Variants in LRP6 observed in about 807,000 individuals in gnomAD.
LRP6 encodes low-density lipoprotein receptor-related protein 6.
In LRP6, 43 loss-of-function variants were observed where a neutral mutation model predicts 184.1. The ratio of observed to expected loss-of-function variants is 0.23; its 90% CI spans 0.18 to 0.30. The LOEUF (loss-of-function observed/expected upper bound fraction) is 0.30, where lower values mean the gene tolerates loss of function less well. LRP6 is among the 10% of genes least tolerant of loss of function. The probability of loss-of-function intolerance (pLI) is 1.00; values close to 1 mark genes in which losing one functional copy is unlikely to be tolerated. For synonymous variants in LRP6, 719 were observed against 684.9 expected, an observed-to-expected ratio of 1.05 and a Z score of -0.78; for missense variants, 1,571 against 2,005.3, an observed-to-expected ratio of 0.78 and a Z score of 4.14.
At chr12:12,228,875 G>A (rs565698527) in intron 2 of LRP6, among the ~76,000 whole-genome samples, 15 of 152,246 alleles carry the variant, frequency 9.9e-5, no homozygotes, top group African/African-American at 3.6e-4. Flanking sequence ...GCAGAAAATG[G>A]CAATAGGCCC....
intron 3 of LRP6, among the ~76,000 whole-genome samples, chr12:12,200,393 G>A (rs558487941): frequency 6.6e-6 from 1 of 152,274 alleles, no homozygotes; most frequent in African/African-American, 2.4e-5. Flanking sequence ...CTCTGTTCAT[G>A]AATGTGTCCT....
At chr12:12,257,779 C>CAAAAAA (rs1163180718) in intron 1 of LRP6, among the ~76,000 whole-genome samples, 4,217 of 35,332 alleles carry the variant, frequency 0.12, 674 homozygotes, top group South Asian at 0.15. Flanking sequence ...CCTGTCTCTA[C>CAAAAAA]AAAAAAAAAA....
intron 3 of LRP6, among the ~76,000 whole-genome samples, chr12:12,201,463 C>T (rs971935124): frequency 6.6e-6 from 1 of 152,146 alleles, no homozygotes; most frequent in African/African-American, 2.4e-5. Context: ...CCATCTTGTC[C>T]AGCAAATAGC....
chr12:12,159,294 T>A (rs562314449), intron 11 of LRP6, 139 bp from the exon 12 acceptor site: 1 of 694,206 alleles, frequency 1.4e-6, no homozygotes, highest in African/African-American at 1.8e-5. Context: ...AATAGAAAAA[T>A]TCATTTAAAA....
At chr12:12,123,576 G>A (rs769048842) in intron 22 of LRP6, among the ~76,000 whole-genome samples, 1 of 152,200 alleles carries the variant, frequency 6.6e-6, no homozygotes, top group Non-Finnish European at 1.5e-5. Flanking sequence ...ACAGGCACTT[G>A]AGGGATGCCC....
chr12:12,167,210 T>C (rs894159720), intron 7 of LRP6, among the ~76,000 whole-genome samples: 2 of 152,336 alleles, frequency 1.3e-5, no homozygotes, highest in East Asian at 1.9e-4. Context: ...GCATCTTCTA[T>C]TTACCAGTTT....
Position 12,125,313 on chromosome 12 carries a change from C to A in LRP6, c.4432G>T (p.Gly1478Cys), listed in dbSNP as rs761537724. 1.9e-6 allele frequency: 3 copies of A among 1,613,894 alleles called. No homozygotes were observed. The highest frequency in any genetic ancestry group is 2.5e-6 in the Non-Finnish European group (3 of 1,179,992). The change falls in exon 21 of 23, where the codon GGC becomes TGC. Residue 1478 changes from glycine to cysteine, a missense_variant. By Grantham distance (159) the Gly-to-Cys change is radical. This residue lies in a region of LRP6 where 763 missense variants were observed against 859.5 expected (regional missense o/e 0.89). Coordinates refer to ENST00000261349, the MANE Select transcript of LRP6 (RefSeq NM_002336.3). The part of the protein sequence containing the change: ...ASSSSSSSTK[G>C]TYFPAILNPP... Reference sequence around the variant, plus strand: ...CTACTTACTGCAGGGAAGTAAGTGCCTTTGGTGCTTGAAGAACTACTTGAT... The same window carrying A: ...CTACTTACTGCAGGGAAGTAAGTGCATTTGGTGCTTGAAGAACTACTTGAT...
chr12:12,240,768 C>T (rs1865044059), intron 2 of LRP6, among the ~76,000 whole-genome samples: 1 of 152,080 alleles, frequency 6.6e-6, no homozygotes, highest in East Asian at 1.9e-4. Flanking sequence ...AGGTCCTCAA[C>T]ATCACCAAGA....
At chr12:12,164,723 T>G (rs1862826360) in intron 8 of LRP6, among the ~76,000 whole-genome samples, 161 bp from the exon 9 acceptor site, 1 of 151,990 alleles carries the variant, frequency 6.6e-6, no homozygotes. Flanking sequence ...ACAAGTAATA[T>G]GCAGATTAAT....
At position 12,117,520 on chromosome 12, in the gene LRP6, A is replaced by C. The variant is rs1347680319; in HGVS notation, c.*3606T>G. On this transcript the variant is annotated 3_prime_UTR_variant, in exon 23 of 23. Coordinates refer to ENST00000261349, the MANE Select transcript of LRP6 (RefSeq NM_002336.3). ...GCATGCAAATGAATGAAGTGGGACA[A>C]AGCTTCCCCTACAAGAAATAAAACA... is the stretch of plus-strand genomic sequence containing the variant. 2 of 152,270 alleles carry C rather than the reference A, an allele frequency of 1.3e-5. No individual in the cohort carries two copies. The highest frequency in any genetic ancestry group is 1.3e-4 in the Admixed American group (2 of 15,290). 9.4% of individuals were successfully genotyped at this position (152,270 alleles called of 1,614,324 possible). A position where few individuals can be genotyped will look rare whatever the true frequency, so the allele number is the denominator to read the frequency against.
intron 3 of LRP6, among the ~76,000 whole-genome samples, chr12:12,192,997 G>A (rs1863656896): frequency 6.6e-6 from 1 of 151,966 alleles, no homozygotes; most frequent in Non-Finnish European, 1.5e-5. Context: ...AATCTTAAAA[G>A]ACTGAACTCA....
intron 2 of LRP6, among the ~76,000 whole-genome samples, chr12:12,233,988 C>G (rs114196586): frequency 0.016 from 2,408 of 152,194 alleles, 55 homozygotes; most frequent in African/African-American, 0.055. Flanking sequence ...TATGGAATGA[C>G]ATTCAAAATG....
intron 12 of LRP6, chr12:12,155,750 T>C (rs1856924501): frequency 4.1e-6 from 4 of 985,132 alleles, no homozygotes; most frequent in East Asian, 2.4e-5. Flanking sequence ...CTGGAACCTA[T>C]TCCCTATGAA....
intron 15 of LRP6, 100 bp from the exon 16 acceptor site, chr12:12,138,634 AAAG>A: frequency 1.5e-6 from 2 of 1,309,486 alleles, no homozygotes; most frequent in Non-Finnish European, 2.2e-6. Context: ...CAGGTAGAGA[AAAG>A]AAAAAAAAAA....
intron 5 of LRP6, among the ~76,000 whole-genome samples, chr12:12,182,233 A>T (rs1229216785): frequency 6.6e-6 from 1 of 152,214 alleles, no homozygotes; most frequent in Admixed American, 6.5e-5. Context: ...ATAAATCTAA[A>T]ACTCAGGAAA....
intron 2 of LRP6, among the ~76,000 whole-genome samples, chr12:12,237,169 T>C (rs937787317): frequency 6.6e-6 from 1 of 152,080 alleles, no homozygotes; most frequent in Non-Finnish European, 1.5e-5. Flanking sequence ...GACCAAATAT[T>C]AGAACAAAAG....
intron 1 of LRP6, among the ~76,000 whole-genome samples, chr12:12,248,652 T>G (rs932079061): frequency 6.6e-6 from 1 of 151,842 alleles, no homozygotes; most frequent in Non-Finnish European, 1.5e-5. Context: ...CAGCTAATTT[T>G]TGTATTTTTA....
chr12:12,205,325 C>CAAAAAAAAAAAA lies in LRP6; in HGVS notation c.450-1926_450-1925insTTTTTTTTTTTT, dbSNP rs1334062234. Among the ~76,000 whole-genome samples the CAAAAAAAAAAAA allele has an allele frequency of 7.2e-4, 19 of 26,230 alleles. 1 individual carries two copies. The highest frequency in any genetic ancestry group is 1.7e-3 in the African/African-American group (18 of 10,470). 17.2% of individuals were successfully genotyped at this position (26,230 alleles called of 152,430 possible). A position where few individuals can be genotyped will look rare whatever the true frequency, so the allele number is the denominator to read the frequency against. On this transcript the variant is annotated intron_variant, in intron 2 of 22. Transcript: ENST00000261349. ...CAACAGAATAAGACTCTGTCTCAAA[C>CAAAAAAAAAAAA]AAACAAAAAAAAAAAAAAAAAAAAA... is the stretch of plus-strand genomic sequence containing the variant.
intron 2 of LRP6, among the ~76,000 whole-genome samples, chr12:12,221,284 T>C (rs1050920757): frequency 2.0e-5 from 3 of 152,352 alleles, no homozygotes; most frequent in East Asian, 1.9e-4. Flanking sequence ...GAAAACCCAA[T>C]TGAACAGTTT....
Sources: allele counts gnomAD v4.1 joint callset (sites outside exome capture counted in the v4.1 genomes callset), GRCh38; gene constraint gnomAD v4.1.1; regional missense constraint gnomAD v4.1.1; transcripts MANE v1.5; gene names NCBI Gene and HGNC (gene_info 2026-07-23, HGNC 2026-07-21).